BICRA: variants seen among roughly 807,000 people sequenced by gnomAD.
The protein encoded by BICRA is BRD4-interacting chromatin-remodeling complex-associated protein.
BICRA carries 31 observed loss-of-function variants against 96.9 expected under a neutral mutation model. The observed-to-expected ratio is 0.32, with a 90% CI of 0.24 to 0.43. BICRA has a LOEUF of 0.43. Ranked by LOEUF, BICRA falls within the 20% of genes least tolerant of loss-of-function variation. The pLI is 1.00. For missense variants in BICRA, 2,283 were observed against 2,190.3 expected, an observed-to-expected ratio of 1.04 and a Z score of -0.84; for synonymous variants, 1,350 against 1,071.8, an observed-to-expected ratio of 1.26 and a Z score of -5.07.
At chr19:47,666,097 GA>G (rs1247401017) in intron 1 of BICRA, among the ~76,000 whole-genome samples, 1 of 152,270 alleles carries the variant, frequency 6.6e-6, no homozygotes, top group African/African-American at 2.4e-5. Flanking sequence ...TCCCATGGAG[GA>G]CGTAGTGTTA....
chr19:47,667,569 C>T (rs1201247662), intron 1 of BICRA, among the ~76,000 whole-genome samples: 5 of 152,216 alleles, frequency 3.3e-5, no homozygotes, highest in African/African-American at 1.2e-4. Context: ...TGCACACCTT[C>T]AGGCCAGGCA....
chr19:47,650,582 A>C (rs1222838104), intron 1 of BICRA, among the ~76,000 whole-genome samples: 1 of 152,180 alleles, frequency 6.6e-6, no homozygotes, highest in Non-Finnish European at 1.5e-5. Context: ...TTTTAATGGC[A>C]AAAGGTGCAA....
Position 47,681,287 on chromosome 19 carries a change from C to A in BICRA, c.2106+11C>A, listed in dbSNP as rs772248669. ...ATGTTCCTGCCCCAGGTAAGCAGGG[C>A]GGGGCAAGGGAGCAGGTACCGGAGG... On this transcript the variant is annotated intron_variant, in intron 6 of 14. Transcript: ENST00000594866. The A allele has an allele frequency of 1.4e-4, 216 of 1,542,666 alleles. No homozygotes were observed. The highest frequency in any genetic ancestry group is 1.7e-4 in the Non-Finnish European group (194 of 1,149,660).
At chr19:47,685,676 G>C (rs1373782132) in intron 7 of BICRA, among the ~76,000 whole-genome samples, 1 of 151,368 alleles carries the variant, frequency 6.6e-6, no homozygotes, top group Non-Finnish European at 1.5e-5. Context: ...CTTACTGTCC[G>C]AACTCCAACC....
Position 47,698,947 on chromosome 19 carries a change from C to G in BICRA, c.3398-18C>G, listed in dbSNP as rs928812917. On this transcript the variant is annotated intron_variant, in intron 12 of 14. Coordinates refer to ENST00000594866, the MANE Select transcript of BICRA (RefSeq NM_001394372.1). The surrounding 1 kb of genome is among the most constrained non-coding windows in gnomAD (Gnocchi z 4.8). Reference sequence around the variant, plus strand: ...GCCCCCAACATCTCCGCCCTTGCCTCTCTTCCCTTCCTCGCAGTGGACGAG... The same window carrying G: ...GCCCCCAACATCTCCGCCCTTGCCTGTCTTCCCTTCCTCGCAGTGGACGAG... The G allele has an allele frequency of 1.3e-6, 2 of 1,556,156 alleles. No individual in the cohort carries two copies. Among genetic ancestry groups the G allele is most frequent in the South Asian group, 1.2e-5 (1 of 85,088 alleles).
At chr19:47,608,714 C>G (rs1412050822), upstream of BICRA, among the ~76,000 whole-genome samples, 4 of 151,690 alleles carry the variant, frequency 2.6e-5, no homozygotes, top group East Asian at 7.9e-4. Flanking sequence ...GCCCAGTCCC[C>G]GGACGTCCGC....
rs564704914 is a variant in BICRA at position 47,696,066 on chromosome 19, G to C, written c.3187-385G>C. 1.8e-4 allele frequency among the ~76,000 whole-genome samples: 27 copies of C among 152,194 alleles called. No homozygotes were observed. In the East Asian group the frequency reaches 2.9e-3, roughly 16 times the overall value. On this transcript the variant is annotated intron_variant, in intron 10 of 14. Transcript: ENST00000594866. The stretch of plus-strand genomic sequence containing the variant: ...GGGAAGCCAGGAAGGGAGGCGGGGG[G>C]GCGAAACGACAGGAGCCACACTGGG...
chr19:47,660,655 A>T (rs1353370406), intron 1 of BICRA, among the ~76,000 whole-genome samples: 2 of 152,180 alleles, frequency 1.3e-5, no homozygotes, highest in African/African-American at 4.8e-5. Flanking sequence ...AAAGGGATAG[A>T]GGACCTGGCC....
At chr19:47,663,498 T>C (rs1406949970) in intron 1 of BICRA, 1 of 152,196 alleles carries the variant, frequency 6.6e-6, no homozygotes, top group East Asian at 1.9e-4. Flanking sequence ...CTGCCACAGC[T>C]CTAGTCATCT....
At position 47,701,916 on chromosome 19, in the gene BICRA, TGGG is replaced by T; in HGVS notation, c.4188_4190del (p.Gly1397del). 1 of 1,434,258 alleles carries T rather than the reference TGGG, an allele frequency of 7.0e-7. No individual in the cohort carries two copies. The highest frequency in any genetic ancestry group is 3.1e-5 in the East Asian group (1 of 32,524). 88.8% of individuals were successfully genotyped at this position (1,434,258 alleles called of 1,614,324 possible). A position where few individuals can be genotyped will look rare whatever the true frequency, so the allele number is the denominator to read the frequency against. On this transcript the variant is annotated inframe_deletion, in exon 15 of 15. Coordinates refer to ENST00000594866, the MANE Select transcript of BICRA (RefSeq NM_001394372.1). This position sits in a 1 kb window ranked among gnomAD's most constrained non-coding sequence, Gnocchi z 5.4. ...CTGCGCAAGACCTACCGCGAGAACG[TGGG>T]GGGCCCTGGCGCGCCGGAGGGGACG... is the stretch of plus-strand genomic sequence containing the variant.
Position 47,680,766 on chromosome 19 carries a change from C to G in BICRA, c.1596C>G (p.Pro532=), listed in dbSNP as rs773093574. The change falls in exon 6 of 15, where the codon CCC becomes CCG. Residue 532 remains proline (P), a synonymous_variant. Transcript: ENST00000594866. ...GPLSLGPVLA[P]HSGAHSAHIL... ...TGAGCCTGGGCCCCGTGTTGGCCCC[C>G]CACTCCGGGGCCCACAGCGCGCACA... 10 of 1,609,988 alleles carry G rather than the reference C, an allele frequency of 6.2e-6. No individual in the cohort carries two copies. In the East Asian group the frequency reaches 1.8e-4, roughly 29 times the overall value.
upstream of BICRA, chr19:47,608,505 A>C (rs1971842250): frequency 6.6e-6 from 1 of 152,170 alleles, no homozygotes; most frequent in African/African-American, 2.4e-5. Flanking sequence ...CCTCCGCCTC[A>C]GGGGACGCGC....
chr19:47,653,879 C>T (rs1972576185), intron 1 of BICRA, among the ~76,000 whole-genome samples: 1 of 152,166 alleles, frequency 6.6e-6, no homozygotes. Flanking sequence ...GTTGCCCAGG[C>T]TGGAGTGCAG....
chr19:47,694,801 C>T (rs568960603), intron 8 of BICRA, 75 bp downstream of exon 8: 17 of 1,136,340 alleles, frequency 1.5e-5, no homozygotes, highest in Middle Eastern at 2.1e-4. Context: ...GGAGCCCCTC[C>T]GCCTTACGGC....
intron 5 of BICRA, among the ~76,000 whole-genome samples, chr19:47,677,874 G>T (rs1208288089): frequency 2.6e-5 from 4 of 152,174 alleles, no homozygotes; most frequent in Non-Finnish European, 5.9e-5. Flanking sequence ...TGGAAAAGTG[G>T]TGCCATATGT....
At chr19:47,671,154 A>T (rs1237765656) in intron 2 of BICRA, among the ~76,000 whole-genome samples, 6 of 152,212 alleles carry the variant, frequency 3.9e-5, no homozygotes, top group Non-Finnish European at 7.3e-5. Flanking sequence ...TCACAACTTG[A>T]TTCAGCAAAT....
At position 47,694,304 on chromosome 19, in the gene BICRA, C is replaced by T; in HGVS notation, c.2473C>T (p.Pro825Ser). 1.0e-6 allele frequency: 1 copy of T among 962,104 alleles called. No individual in the cohort carries two copies. The highest frequency in any genetic ancestry group is 1.5e-5 in the South Asian group (1 of 66,582). 59.6% of individuals were successfully genotyped at this position (962,104 alleles called of 1,614,324 possible). A position where few individuals can be genotyped will look rare whatever the true frequency, so the allele number is the denominator to read the frequency against. ...SEPPLHPCPP[P>S]QAPPTLPGIF... ...GCCACCCTTGCACCCTTGCCCCCCA[C>T]CCCAGGCCCCCCCAACTCTGCCTGG... The change falls in exon 8 of 15, where the codon CCC (proline) becomes TCC (serine). Residue 825 changes from proline (P) to serine (S), a missense_variant. Transcript: ENST00000594866.
At chr19:47,635,119 C>T (rs774812603) in intron 1 of BICRA, among the ~76,000 whole-genome samples, 1 of 152,076 alleles carries the variant, frequency 6.6e-6, no homozygotes, top group Non-Finnish European at 1.5e-5. Flanking sequence ...TAAATGTTAG[C>T]TGCTGTTATT....
chr19:47,684,193 T>C (rs1379194332), intron 7 of BICRA, among the ~76,000 whole-genome samples: 2 of 152,128 alleles, frequency 1.3e-5, no homozygotes, highest in Non-Finnish European at 2.9e-5. Context: ...ATTACTATTA[T>C]CTTGAGGGGG....
Sources: allele counts gnomAD v4.1 joint callset (sites outside exome capture counted in the v4.1 genomes callset), GRCh38; gene constraint gnomAD v4.1.1; non-coding constraint Gnocchi (gnomAD v3.1); transcripts MANE v1.5; gene names NCBI Gene and HGNC (gene_info 2026-07-23, HGNC 2026-07-21).